The following NETO1 variants were observed in gnomAD, a reference collection of about 807,000 sequenced individuals.
NETO1 encodes the protein neuropilin and tolloid like 1.
A neutral mutation model predicts 61.3 loss-of-function variants in NETO1; 26 were observed. The ratio of observed to expected loss-of-function variants is 0.42; its 90% CI spans 0.31 to 0.59. The LOEUF (loss-of-function observed/expected upper bound fraction) is 0.59, where lower values mean the gene tolerates loss of function less well. Among genes scored for constraint, NETO1 ranks in the 20% least tolerant of loss-of-function variants. NETO1 has a pLI of 0.12. For synonymous variants in NETO1, 225 were observed against 225.8 expected (o/e 1.00, Z 0.03); for missense variants, 531 against 662.8 (o/e 0.80, Z 2.18).
At chr18:72,850,603 G>A (rs2187114) in intron 4 of NETO1, among the ~76,000 whole-genome samples, 12,403 of 152,228 alleles carry the variant, frequency 0.081, 759 homozygotes, top group Admixed American at 0.17. Flanking sequence ...CATGTTTCTT[G>A]AATACAATAA....
chr18:72,824,089 A>T (rs1568229952), intron 4 of NETO1, among the ~76,000 whole-genome samples: 1 of 152,222 alleles, frequency 6.6e-6, no homozygotes, highest in East Asian at 1.9e-4. Context: ...TCTGTGTTGT[A>T]GCATTTTGTT....
Position 72,817,192 on chromosome 18 carries a change from G to A in NETO1, c.470-22788C>T, listed in dbSNP as rs187068892. Among the ~76,000 whole-genome samples the A allele has an allele frequency of 1.6e-3, 237 of 152,274 alleles. 1 individual carries two copies. Among genetic ancestry groups the A allele is most frequent in the Admixed American group, 3.1e-3 (48 of 15,306 alleles). On this transcript the variant is annotated intron_variant, in intron 4 of 10. Coordinates refer to ENST00000327305, the MANE Select transcript of NETO1 (RefSeq NM_138966.5). ...CTGAGCCTCTGACACTAGACATGGC[G>A]GTTCCTGCTGCTACCTTCTGAAACA...
At chr18:72,821,422 C>T (rs951947665) in intron 4 of NETO1, among the ~76,000 whole-genome samples, 1 of 151,274 alleles carries the variant, frequency 6.6e-6, no homozygotes, top group African/African-American at 2.4e-5. Context: ...AAAAAATAGC[C>T]AGGCGTGGTG....
chr18:72,769,252 T>G (rs962634795), intron 7 of NETO1, among the ~76,000 whole-genome samples: 4 of 152,330 alleles, frequency 2.6e-5, no homozygotes, highest in African/African-American at 9.6e-5. Flanking sequence ...AGGCCAATAC[T>G]GTATCTGGTG....
chr18:72,827,712 G>C (rs149081988), intron 4 of NETO1, among the ~76,000 whole-genome samples: 281 of 112,964 alleles, frequency 2.5e-3, no homozygotes, highest in African/African-American at 9.0e-3. Flanking sequence ...GTGAGACCCT[G>C]TCTCAAAAAA....
intron 7 of NETO1, among the ~76,000 whole-genome samples, chr18:72,768,097 A>T (rs1053859471): frequency 1.3e-5 from 2 of 152,142 alleles, no homozygotes; most frequent in Non-Finnish European, 2.9e-5. Context: ...ATTCCATTTC[A>T]GATCTTTTTC....
intron 4 of NETO1, chr18:72,834,464 A>T: frequency 2.0e-6 from 2 of 981,008 alleles, no homozygotes; most frequent in Non-Finnish European, 2.4e-6. Context: ...TGGGGCAAAC[A>T]GCAATTTCAT....
In NETO1 at chr18:72,747,141, GAA is replaced by G. The variant is rs2145060843; in HGVS notation, c.*1036_*1037del. On this transcript the variant is annotated 3_prime_UTR_variant, in exon 11 of 11. Transcript: ENST00000327305. The stretch of plus-strand genomic sequence containing the variant: ...AGGACATCCTGTACCCTAAAAGGTG[GAA>G]AGAGTTGACATAAAATGTGTATTTA... 6.6e-6 allele frequency: 1 copy of G among 152,044 alleles called. No individual in the cohort carries two copies. Among genetic ancestry groups the G allele is most frequent in the South Asian group, 2.1e-4 (1 of 4,822 alleles). The allele number at this position is 152,044 out of a possible 1,614,324, so 9.4% of individuals were successfully genotyped here.
At chr18:72,813,782 G>A (rs1468816008) in intron 4 of NETO1, among the ~76,000 whole-genome samples, 1 of 152,028 alleles carries the variant, frequency 6.6e-6, no homozygotes. Flanking sequence ...GAAGTTAAAA[G>A]GCAAGACACA....
chr18:72,765,324 T>C (rs1457879052), intron 7 of NETO1, among the ~76,000 whole-genome samples: 3 of 152,240 alleles, frequency 2.0e-5, no homozygotes, highest in Admixed American at 2.0e-4. Context: ...TATCTGTGCC[T>C]TGTTGCTTCC....
intron 7 of NETO1, among the ~76,000 whole-genome samples, chr18:72,765,619 A>T (rs1035646223): frequency 6.6e-6 from 1 of 152,016 alleles, no homozygotes; most frequent in Non-Finnish European, 1.5e-5. Flanking sequence ...GGGTTTCATC[A>T]TCTTGGCCAG....
Position 72,744,175 on chromosome 18 carries a change from T to C in NETO1, c.*4004A>G, listed in dbSNP as rs1280028900. On this transcript the variant is annotated 3_prime_UTR_variant, in exon 11 of 11. Coordinates refer to ENST00000327305, the MANE Select transcript of NETO1 (RefSeq NM_138966.5). ...TCAGAGGCTACAAGAAAATGATGAG[T>C]TGATATGAGTGTCTGACATCAGTCA... 6.6e-6 allele frequency: 1 copy of C among 152,112 alleles called. No homozygotes were observed. Among genetic ancestry groups the C allele is most frequent in the African/African-American group, 2.4e-5 (1 of 41,420 alleles). The allele number at this position is 152,112 out of a possible 1,614,324, so 9.4% of individuals were successfully genotyped here.
At chr18:72,768,629 A>G (rs535835894) in intron 7 of NETO1, among the ~76,000 whole-genome samples, 3 of 152,222 alleles carry the variant, frequency 2.0e-5, no homozygotes, top group Non-Finnish European at 4.4e-5. Flanking sequence ...GCCCAATGCA[A>G]TAACAAGTAA....
chr18:72,742,332 A>G (rs2070357438), downstream of NETO1: 1 of 152,200 alleles, frequency 6.6e-6, no homozygotes, highest in Non-Finnish European at 1.5e-5. Flanking sequence ...GGAAAGTCAT[A>G]TATTTTATGG....
intron 6 of NETO1, among the ~76,000 whole-genome samples, chr18:72,792,728 G>A (rs193195730): frequency 9.4e-4 from 143 of 152,006 alleles, no homozygotes; most frequent in African/African-American, 3.3e-3. Context: ...GGTGAAGGCT[G>A]AGTTCTTCAG....
intron 3 of NETO1, among the ~76,000 whole-genome samples, chr18:72,863,994 T>G (rs994264052): frequency 1.3e-5 from 2 of 152,108 alleles, no homozygotes; most frequent in Non-Finnish European, 2.9e-5. Context: ...CCAAAGTCGG[T>G]GGATCACTTG....
At position 72,747,336 on chromosome 18, in the gene NETO1, A is replaced by G. The variant is rs1474797885; in HGVS notation, c.*843T>C. 1 of 152,116 alleles carries G rather than the reference A, an allele frequency of 6.6e-6. No homozygotes were observed. Among genetic ancestry groups the G allele is most frequent in the Non-Finnish European group, 1.5e-5 (1 of 67,980 alleles). 9.4% of individuals were successfully genotyped at this position (152,116 alleles called of 1,614,324 possible). On this transcript the variant is annotated 3_prime_UTR_variant, in exon 11 of 11. Coordinates refer to ENST00000327305, the MANE Select transcript of NETO1 (RefSeq NM_138966.5). ...CAGTATTTGACAATGCATGCTTTTC[A>G]CAATGTGTCTAACAAAAAGGATATT...
chr18:72,821,234 T>TAAAAAAAAAA (rs10672110), intron 4 of NETO1, among the ~76,000 whole-genome samples: 9 of 80,218 alleles, frequency 1.1e-4, no homozygotes, highest in African/African-American at 3.0e-4. Flanking sequence ...TCATATTAAC[T>TAAAAAAAAAA]AAAAAAAAAA....
At chr18:72,753,894 A>G (rs1022151568) in intron 8 of NETO1, among the ~76,000 whole-genome samples, 2 of 152,198 alleles carry the variant, frequency 1.3e-5, no homozygotes, top group Non-Finnish European at 2.9e-5. Flanking sequence ...CAGAAATAGT[A>G]AATCAGAAGG....
Sources: allele counts gnomAD v4.1 joint callset (sites outside exome capture counted in the v4.1 genomes callset), GRCh38; gene constraint gnomAD v4.1.1; transcripts MANE v1.5; gene names NCBI Gene and HGNC (gene_info 2026-07-23, HGNC 2026-07-21).